Variants in RFFL observed in about 807,000 individuals in gnomAD.
RFFL encodes E3 ubiquitin-protein ligase rififylin.
In RFFL, 16 loss-of-function variants were observed where a neutral mutation model predicts 40.4. The observed-to-expected ratio is 0.40, with a 90% CI of 0.27 to 0.60. The LOEUF (loss-of-function observed/expected upper bound fraction) is 0.60. Ranked by LOEUF, RFFL falls within the 20% of genes least tolerant of loss-of-function variation. RFFL has a pLI of 0.47. For missense variants in RFFL, 367 were observed against 451.7 expected, an observed-to-expected ratio of 0.81 and a Z score of 1.70; for synonymous variants, 154 against 167.9, an observed-to-expected ratio of 0.92 and a Z score of 0.64.
chr17:35,086,417 C>T (rs141070769), intron 1 of RFFL, among the ~76,000 whole-genome samples: 2 of 151,430 alleles, frequency 1.3e-5, no homozygotes, highest in Non-Finnish European at 2.9e-5. Context: ...GGCAAGGTTG[C>T]ATCGAGCTGA....
chr17:35,064,323 T>C (rs1001100239), upstream of RFFL, among the ~76,000 whole-genome samples: 4 of 152,160 alleles, frequency 2.6e-5, no homozygotes, highest in Admixed American at 6.5e-5. Context: ...ACATTCTCTA[T>C]GCTAAAGCCA....
At chr17:35,082,167 C>T (rs954259233) in intron 1 of RFFL, among the ~76,000 whole-genome samples, 2 of 152,134 alleles carry the variant, frequency 1.3e-5, no homozygotes, top group Non-Finnish European at 2.9e-5. Flanking sequence ...AGCTAGGAGA[C>T]AGGTGTTAGC....
chr17:35,061,404 G>A (rs962006100), intron 1 of RFFL, among the ~76,000 whole-genome samples: 1 of 152,014 alleles, frequency 6.6e-6, no homozygotes, highest in African/African-American at 2.4e-5. Context: ...AAGAGTACAG[G>A]CCTTCTCTCT....
chr17:35,054,549 C>A (rs753104557), intron 1 of RFFL, among the ~76,000 whole-genome samples: 1 of 152,028 alleles, frequency 6.6e-6, no homozygotes, highest in Non-Finnish European at 1.5e-5. Flanking sequence ...CCTCCCTCCC[C>A]CACCTCTCCA....
chr17:35,067,032 G>T (rs554806721), upstream of RFFL, among the ~76,000 whole-genome samples: 59 of 152,042 alleles, frequency 3.9e-4, no homozygotes, highest in South Asian at 0.011. Context: ...ATCAACAGGG[G>T]TGCTTATTGA....
At chr17:35,031,673 A>C (rs2142333886) in intron 1 of RFFL, among the ~76,000 whole-genome samples, 1 of 152,132 alleles carries the variant, frequency 6.6e-6, no homozygotes, top group South Asian at 2.1e-4. Flanking sequence ...GGGTGACCAG[A>C]GAAGACTTTT....
chr17:35,028,213 G>A (rs190202606), intron 1 of RFFL, among the ~76,000 whole-genome samples: 1 of 152,010 alleles, frequency 6.6e-6, no homozygotes, highest in Admixed American at 6.5e-5. Context: ...GCACACACCT[G>A]TAATCCAGCA....
chr17:35,027,451 G>A (rs1039067787), intron 1 of RFFL, among the ~76,000 whole-genome samples: 4 of 152,192 alleles, frequency 2.6e-5, no homozygotes, highest in Admixed American at 6.5e-5. Context: ...GGAGCCAGGC[G>A]CAGTGGCTCA....
rs2090944344 is a variant in RFFL, at chr17:35,012,162, A to G, written c.911-13T>C. The G allele has an allele frequency of 1.2e-6, 2 of 1,611,334 alleles. No homozygotes were observed. The highest frequency in any genetic ancestry group is 1.7e-6 in the Non-Finnish European group (2 of 1,178,226). ...GGTACTGCTCCCCCTGTACAAACAC[A>G]CAGGGCAGAAAAAAAGGGGCAGAGG... On this transcript the variant is annotated splice_polypyrimidine_tract_variant and intron_variant, in intron 6 of 6. Transcript: ENST00000394597.
intron 5 of RFFL, 126 bp from the exon 6 acceptor site, chr17:35,014,889 C>G: frequency 1.1e-6 from 1 of 875,728 alleles, no homozygotes; most frequent in East Asian, 2.5e-5. Flanking sequence ...TGCCAAGAGC[C>G]TAGATGGACA....
intron 1 of RFFL, among the ~76,000 whole-genome samples, chr17:35,084,367 GC>G (rs2091418755): frequency 6.6e-6 from 1 of 152,210 alleles, no homozygotes; most frequent in Non-Finnish European, 1.5e-5. Flanking sequence ...GCCAAGGCGG[GC>G]AGATCACCTG....
intron 1 of RFFL, among the ~76,000 whole-genome samples, chr17:35,078,119 C>G (rs2142384091): frequency 6.6e-6 from 1 of 152,256 alleles, no homozygotes; most frequent in Non-Finnish European, 1.5e-5. Context: ...ATCCCAAACA[C>G]TTTGATTCTG....
Position 35,045,701 on chromosome 17 carries a change from A to T in RFFL, c.-9+17875T>A, listed in dbSNP as rs140235354. On this transcript the variant is annotated intron_variant, in intron 1 of 6. Coordinates refer to ENST00000394597, the MANE Select transcript of RFFL (RefSeq NM_001017368.2). The stretch of plus-strand genomic sequence containing the variant: ...TGATAACAGCAATAGAGCGCTTTTT[A>T]AAAAAAAAGGACAGAAATTCATGCT... Among the ~76,000 whole-genome samples the T allele has an allele frequency of 8.1e-4, 123 of 151,224 alleles. 1 individual carries two copies. The East Asian group carries it at 9.5e-3, about 12-fold the overall frequency.
chr17:35,045,416 T>C (rs2031799316), intron 1 of RFFL, among the ~76,000 whole-genome samples: 2 of 151,734 alleles, frequency 1.3e-5, no homozygotes, highest in African/African-American at 4.8e-5. Flanking sequence ...GTATTTTTAG[T>C]AGAGATGGGG....
At chr17:35,086,764 T>TA (rs1421924497) in intron 1 of RFFL, among the ~76,000 whole-genome samples, 7 of 152,148 alleles carry the variant, frequency 4.6e-5, no homozygotes, top group Non-Finnish European at 8.8e-5. Flanking sequence ...TCCAAAAACA[T>TA]AAACACTATG....
rs563983363 is a variant in RFFL at position 35,087,183 on chromosome 17, T to A, written c.-9+1922A>T. 9.2e-5 allele frequency among the ~76,000 whole-genome samples: 14 copies of A among 152,164 alleles called. No individual in the cohort carries two copies. The South Asian group carries it at 2.9e-3, about 32-fold the overall frequency. On this transcript the variant is annotated intron_variant, in intron 1 of 6. Transcript: ENST00000315249. ...ACGAACAACATGGCAAAACCTCATC[T>A]CTACAGAAAATACAAAAACTAGCTG...
chr17:35,077,014 C>A, intron 1 of RFFL: 1 of 293,112 alleles, frequency 3.4e-6, no homozygotes, highest in South Asian at 4.0e-5. Flanking sequence ...TTAAGAATTT[C>A]AACAATTAGT....
intron 1 of RFFL, among the ~76,000 whole-genome samples, chr17:35,075,901 T>C (rs939816312): frequency 6.6e-6 from 1 of 152,020 alleles, no homozygotes; most frequent in African/African-American, 2.4e-5. Flanking sequence ...GCCAAGAAGT[T>C]AGAAACTCCT....
At chr17:35,026,935 C>A (rs767857442) in intron 1 of RFFL, among the ~76,000 whole-genome samples, 6 of 152,186 alleles carry the variant, frequency 3.9e-5, no homozygotes, top group Non-Finnish European at 8.8e-5. Context: ...AACTCCTGAC[C>A]TTGTGATCGG....
Sources: gnomAD v4.1 joint callset for allele counts (sites outside exome capture counted in the v4.1 genomes callset) on GRCh38, gnomAD v4.1.1 for gene constraint, MANE v1.5 for transcripts, NCBI Gene and HGNC (gene_info 2026-07-23, HGNC 2026-07-21) for gene names.